USP13: variants seen among roughly 807,000 people sequenced by gnomAD.
USP13 encodes the protein ubiquitin specific peptidase 13.
A neutral mutation model predicts 107.8 loss-of-function variants in USP13; 68 were observed. That is an observed-to-expected ratio of 0.63 (90% CI 0.52 to 0.77). USP13 has a LOEUF of 0.77. USP13 is among the 30% of genes least tolerant of loss of function. USP13 has a pLI of 0.00. For missense variants in USP13, 945 were observed against 1,093.3 expected (o/e 0.86, Z 1.91); for synonymous variants, 377 against 389.5 (o/e 0.97, Z 0.38).
At chr3:179,655,556 TGTTTTGTTTTG>T (rs765916774) in intron 1 of USP13, among the ~76,000 whole-genome samples, 88 of 139,298 alleles carry the variant, frequency 6.3e-4, no homozygotes, top group Middle Eastern at 3.8e-3. Flanking sequence ...AGGTTTTTTT[TGTTTTGTTTTG>T]TTTTTTTTTT....
intron 19 of USP13, among the ~76,000 whole-genome samples, chr3:179,779,824 A>G (rs886921095): frequency 6.6e-6 from 1 of 152,172 alleles, no homozygotes; most frequent in Non-Finnish European, 1.5e-5. Context: ...AAGGAGTCCA[A>G]TTAAGAGGCC....
chr3:179,766,645 C>T (rs1437810746), intron 19 of USP13, among the ~76,000 whole-genome samples: 2 of 152,172 alleles, frequency 1.3e-5, no homozygotes, highest in African/African-American at 4.8e-5. Flanking sequence ...CACTATGTGC[C>T]AGGCACTGTT....
chr3:179,664,505 T>C (rs1053545877), intron 1 of USP13, among the ~76,000 whole-genome samples: 7 of 152,164 alleles, frequency 4.6e-5, no homozygotes, highest in Non-Finnish European at 1.0e-4. Context: ...TATGTTGTGA[T>C]TCTAGGGTGC....
At chr3:179,736,157 T>TA (rs1443280266) in intron 10 of USP13, among the ~76,000 whole-genome samples, 1 of 152,254 alleles carries the variant, frequency 6.6e-6, no homozygotes, top group Non-Finnish European at 1.5e-5. Context: ...GATATCTTTC[T>TA]AAAGTCCCCC....
chr3:179,783,532 G>T (rs1233845370), intron 20 of USP13, among the ~76,000 whole-genome samples: 1 of 151,966 alleles, frequency 6.6e-6, no homozygotes, highest in African/African-American at 2.4e-5. Context: ...TTAAAATTCT[G>T]GTTTTAAGCT....
At chr3:179,738,478 A>G (rs552187312) in intron 10 of USP13, among the ~76,000 whole-genome samples, 3 of 152,346 alleles carry the variant, frequency 2.0e-5, no homozygotes, top group South Asian at 4.1e-4. Flanking sequence ...TGAAAGGCCT[A>G]TCTGGCACTT....
At position 179,720,227 on chromosome 3, in the gene USP13, T is replaced by C. The variant is rs527520131; in HGVS notation, c.900+193T>C. On this transcript the variant is annotated intron_variant, in intron 7 of 20. Coordinates refer to ENST00000263966, the MANE Select transcript of USP13 (RefSeq NM_003940.3). Reference sequence around the variant, plus strand: ...GTTTTCTTTTGGTTGCCAGCTTAGATTTTTTATGCTGTAATAAAAATGGCA... The same window carrying C: ...GTTTTCTTTTGGTTGCCAGCTTAGACTTTTTATGCTGTAATAAAAATGGCA... 2.0e-5 allele frequency among the ~76,000 whole-genome samples: 3 copies of C among 152,360 alleles called. No homozygotes were observed. In the South Asian group the frequency reaches 6.2e-4, roughly 32 times the overall value.
At chr3:179,692,392 C>T (rs559780937) in intron 3 of USP13, among the ~76,000 whole-genome samples, 2 of 152,358 alleles carry the variant, frequency 1.3e-5, no homozygotes, top group East Asian at 3.9e-4. Context: ...GCTGTCTTCT[C>T]CTGCTTCTCA....
Position 179,742,746 on chromosome 3 carries a change from G to A in USP13, c.1534+396G>A, listed in dbSNP as rs1392518233. On this transcript the variant is annotated intron_variant, in intron 12 of 20. Transcript: ENST00000263966. This position sits in a 1 kb window ranked among gnomAD's most constrained non-coding sequence, Gnocchi z 5.0. ...CTGCATTTTTTAAAGTTAGACATTC[G>A]AGCAGAGGTCTCTTGAAATAATCCA... Among the ~76,000 whole-genome samples the A allele has an allele frequency of 6.6e-6, 1 of 152,162 alleles. No individual in the cohort carries two copies. Among genetic ancestry groups the A allele is most frequent in the African/African-American group, 2.4e-5 (1 of 41,430 alleles).
chr3:179,728,035 A>C (rs1175159745), intron 8 of USP13, among the ~76,000 whole-genome samples: 1 of 39,180 alleles, frequency 2.6e-5, no homozygotes, highest in Non-Finnish European at 5.5e-5. Flanking sequence ...GATCCCCACC[A>C]CCTCCCTCCC....
chr3:179,669,966 G>A (rs745758355), intron 1 of USP13, among the ~76,000 whole-genome samples: 4 of 152,134 alleles, frequency 2.6e-5, no homozygotes, highest in Admixed American at 6.5e-5. Context: ...CTCCCCTGGC[G>A]TGCCAGGCTT....
intron 6 of USP13, among the ~76,000 whole-genome samples, chr3:179,717,671 G>C (rs11389365): frequency 0.9 from 136,295 of 151,920 alleles, 61,421 homozygotes; most frequent in Non-Finnish European, 0.94. Flanking sequence ...TTTTCACCTT[G>C]AGCTAGTATT....
chr3:179,680,861 C>A lies in USP13; in HGVS notation c.169-1017C>A, dbSNP rs549229764. Among the ~76,000 whole-genome samples, 7 of 144,110 alleles carry A rather than the reference C, an allele frequency of 4.9e-5. 1 individual carries two copies. The South Asian group carries it at 1.6e-3, about 32-fold the overall frequency. The allele number at this position is 144,110 out of a possible 152,430, so 94.5% of individuals were successfully genotyped here. ...CGGCGCTACATTGTTATAGTTTATT[C>A]ATGAATACTGTCAAATATCATGTGT... On this transcript the variant is annotated intron_variant, in intron 1 of 20. Transcript: ENST00000263966.
intron 10 of USP13, among the ~76,000 whole-genome samples, chr3:179,734,314 T>A (rs1298150641): frequency 2.0e-5 from 3 of 152,224 alleles, no homozygotes; most frequent in African/African-American, 7.2e-5. Flanking sequence ...AAAGGGCATT[T>A]TTTTCTTCAA....
At chr3:179,778,283 A>G (rs1402854728) in intron 19 of USP13, among the ~76,000 whole-genome samples, 1 of 152,222 alleles carries the variant, frequency 6.6e-6, no homozygotes, top group Non-Finnish European at 1.5e-5. Flanking sequence ...ATGAAGCGAA[A>G]GGAGTCATTC....
At chr3:179,775,812 G>A (rs1431059892) in intron 19 of USP13, among the ~76,000 whole-genome samples, 2 of 152,192 alleles carry the variant, frequency 1.3e-5, no homozygotes, top group African/African-American at 2.4e-5. Flanking sequence ...GTGCTGGCTC[G>A]CGAGCATTGT....
intron 19 of USP13, among the ~76,000 whole-genome samples, chr3:179,771,712 G>T (rs1475806478): frequency 6.6e-6 from 1 of 152,192 alleles, no homozygotes; most frequent in Admixed American, 6.5e-5. Context: ...AATAAGGTAG[G>T]TGTTATGAAG....
intron 19 of USP13, among the ~76,000 whole-genome samples, chr3:179,774,738 G>A (rs1715463346): frequency 6.6e-6 from 1 of 152,176 alleles, no homozygotes; most frequent in Non-Finnish European, 1.5e-5. Flanking sequence ...TGCTGGCTCG[G>A]GCAGCCTGCT....
chr3:179,720,089 C>T lies in USP13; in HGVS notation c.900+55C>T, dbSNP rs748943112. 62 of 1,354,066 alleles carry T rather than the reference C, an allele frequency of 4.6e-5. No homozygotes were observed. The Middle Eastern group carries it at 5.5e-4, about 12-fold the overall frequency. 83.9% of individuals were successfully genotyped at this position (1,354,066 alleles called of 1,614,324 possible). A position where few individuals can be genotyped will look rare whatever the true frequency, so the allele number is the denominator to read the frequency against. On this transcript the variant is annotated intron_variant, in intron 7 of 20. Coordinates refer to ENST00000263966, the MANE Select transcript of USP13 (RefSeq NM_003940.3). ...CTTGCATGGGGTAGGGGTGGGGAGA[C>T]GGCAAGGGAACTGCTTGATTTATTT...
Sources: allele counts gnomAD v4.1 joint callset (sites outside exome capture counted in the v4.1 genomes callset), GRCh38; gene constraint gnomAD v4.1.1; non-coding constraint Gnocchi (gnomAD v3.1); transcripts MANE v1.5; gene names NCBI Gene and HGNC (gene_info 2026-07-23, HGNC 2026-07-21).